The following TNFRSF19 variants were observed in gnomAD, a reference collection of about 807,000 sequenced individuals.
TNFRSF19 encodes the protein tumor necrosis factor receptor superfamily member 19.
TNFRSF19 carries 27 observed loss-of-function variants against 46.4 expected under a neutral mutation model. The ratio of observed to expected loss-of-function variants is 0.58; its 90% CI spans 0.43 to 0.80. The LOEUF (loss-of-function observed/expected upper bound fraction) is 0.80. TNFRSF19 is among the 30% of genes least tolerant of loss of function. The probability of loss-of-function intolerance (pLI) is 0.00; values close to 1 mark genes in which losing one functional copy is unlikely to be tolerated. For synonymous variants in TNFRSF19, 204 were observed against 205.0 expected (o/e 1.00, Z 0.04); for missense variants, 511 against 530.8 (o/e 0.96, Z 0.37).
intron 3 of TNFRSF19, among the ~76,000 whole-genome samples, chr13:23,595,118 A>G (rs565530511): frequency 7.9e-5 from 12 of 152,372 alleles, no homozygotes; most frequent in African/African-American, 2.9e-4. Flanking sequence ...CCAGCATCAA[A>G]GACTAAAGGT....
At chr13:23,634,746 G>A (rs1882566962) in intron 5 of TNFRSF19, among the ~76,000 whole-genome samples, 1 of 152,146 alleles carries the variant, frequency 6.6e-6, no homozygotes, top group Non-Finnish European at 1.5e-5. Context: ...TGTATAGGGA[G>A]CATTCACCCT....
chr13:23,649,285 C>T (rs1436285218), intron 5 of TNFRSF19, among the ~76,000 whole-genome samples: 2 of 152,052 alleles, frequency 1.3e-5, no homozygotes, highest in Non-Finnish European at 2.9e-5. Flanking sequence ...TCTGTTTCTT[C>T]CATTTTGTTA....
chr13:23,636,829 A>G (rs984935881), intron 5 of TNFRSF19, among the ~76,000 whole-genome samples: 1 of 152,224 alleles, frequency 6.6e-6, no homozygotes, highest in Admixed American at 6.5e-5. Context: ...TCACTCTCCT[A>G]GTTTCAGCAG....
At chr13:23,616,717 G>A (rs186267692) in intron 4 of TNFRSF19, among the ~76,000 whole-genome samples, 12 of 152,158 alleles carry the variant, frequency 7.9e-5, no homozygotes, top group Admixed American at 7.9e-4. Flanking sequence ...CGAGTAACTG[G>A]GATTACAGGC....
intron 4 of TNFRSF19, 95 bp from the exon 5 acceptor site, chr13:23,626,612 C>G: frequency 1.7e-6 from 2 of 1,176,022 alleles, no homozygotes; most frequent in Non-Finnish European, 2.5e-6. Flanking sequence ...TACTTTTAAC[C>G]GTAGAACTGG....
chr13:23,673,558 A>C lies in TNFRSF19; in HGVS notation c.*178A>C. 7.0e-6 allele frequency: 9 copies of C among 1,278,560 alleles called. No homozygotes were observed. The highest frequency in any genetic ancestry group is 8.0e-6 in the Non-Finnish European group (8 of 1,005,734). The allele number at this position is 1,278,560 out of a possible 1,614,324, so 79.2% of individuals were successfully genotyped here. On this transcript the variant is annotated 3_prime_UTR_variant, in exon 10 of 10. Coordinates refer to ENST00000248484, the MANE Select transcript of TNFRSF19 (RefSeq NM_148957.4). ...GTTGCTTCTGAGCCAGACCAGCTGT[A>C]AGCTGAAACCTCAATGAATAACAAG...
At chr13:23,651,249 A>G (rs1014120253) in intron 5 of TNFRSF19, among the ~76,000 whole-genome samples, 1 of 152,214 alleles carries the variant, frequency 6.6e-6, no homozygotes, top group Non-Finnish European at 1.5e-5. Flanking sequence ...ATTGAATTGT[A>G]GTTTACTTGA....
chr13:23,596,600 GC>G (rs1879747467), intron 3 of TNFRSF19, among the ~76,000 whole-genome samples: 1 of 150,670 alleles, frequency 6.6e-6, no homozygotes, highest in Admixed American at 6.6e-5. Context: ...GATTTACAAA[GC>G]AAGTTCTTAG....
intron 5 of TNFRSF19, among the ~76,000 whole-genome samples, chr13:23,638,175 T>C (rs1313579313): frequency 2.6e-5 from 4 of 152,252 alleles, no homozygotes; most frequent in African/African-American, 7.2e-5. Flanking sequence ...TATGGGTCCG[T>C]AGACTATTAA....
chr13:23,572,502 T>G (rs923594490), intron 1 of TNFRSF19, among the ~76,000 whole-genome samples: 2 of 152,166 alleles, frequency 1.3e-5, no homozygotes, highest in East Asian at 1.9e-4. Context: ...ATTTTAAAAT[T>G]TTTAAAATGA....
At chr13:23,652,059 C>T (rs1418928147) in intron 5 of TNFRSF19, among the ~76,000 whole-genome samples, 1 of 151,956 alleles carries the variant, frequency 6.6e-6, no homozygotes, top group African/African-American at 2.4e-5. Flanking sequence ...ATTACAGCGC[C>T]CAGAAAGTGG....
At position 23,605,420 on chromosome 13, in the gene TNFRSF19, T is replaced by C. The variant is rs559980924; in HGVS notation, c.181-10447T>C. 2.0e-5 allele frequency among the ~76,000 whole-genome samples: 3 copies of C among 152,352 alleles called. No individual in the cohort carries two copies. In the East Asian group the frequency reaches 5.8e-4, roughly 29 times the overall value. On this transcript the variant is annotated intron_variant, in intron 3 of 9. Transcript: ENST00000248484. The stretch of plus-strand genomic sequence containing the variant: ...ACAACTTGGCAGTGTCTTACAAAAC[T>C]AAGCATACTCTTATTATTTGATCCA...
intron 5 of TNFRSF19, among the ~76,000 whole-genome samples, chr13:23,631,643 G>A (rs1296470804): frequency 6.6e-6 from 1 of 152,176 alleles, no homozygotes; most frequent in Non-Finnish European, 1.5e-5. Flanking sequence ...AGAGTGCCTG[G>A]TAAGTAAGAG....
chr13:23,674,497 C>G lies in TNFRSF19; in HGVS notation c.*1117C>G, dbSNP rs1167510123. ...AGATTAGTTAGCACATCATCTCCTACTTTAGCCATCCGGTGTTGGATTTAA... is the reference window on the plus strand; with the variant it reads ...AGATTAGTTAGCACATCATCTCCTAGTTTAGCCATCCGGTGTTGGATTTAA... On this transcript the variant is annotated 3_prime_UTR_variant, in exon 10 of 10. Transcript: ENST00000248484. The G allele has an allele frequency of 6.6e-6, 1 of 152,206 alleles. No homozygotes were observed. Among genetic ancestry groups the G allele is most frequent in the Non-Finnish European group, 1.5e-5 (1 of 68,052 alleles). 9.4% of individuals were successfully genotyped at this position (152,206 alleles called of 1,614,324 possible).
At position 23,659,741 on chromosome 13, in the gene TNFRSF19, G is replaced by T. The variant is rs1010791256; in HGVS notation, c.610+527G>T. 6.6e-6 allele frequency among the ~76,000 whole-genome samples: 1 copy of T among 152,034 alleles called. No individual in the cohort carries two copies. The highest frequency in any genetic ancestry group is 2.4e-5 in the African/African-American group (1 of 41,378). ...AGGCTGGTCTCGAACTCCTGACCTC[G>T]TGATCCGCCTGCCTCGGCCTCCCAA... On this transcript the variant is annotated intron_variant, in intron 6 of 9. Transcript: ENST00000248484. The surrounding 1 kb of genome is among the most constrained non-coding windows in gnomAD (Gnocchi z 4.9).
In TNFRSF19 at chr13:23,636,807, G is replaced by A. The variant is rs563522640; in HGVS notation, c.445+10015G>A. 1.4e-3 allele frequency among the ~76,000 whole-genome samples: 220 copies of A among 152,300 alleles called. 3 individuals carry two copies. Among genetic ancestry groups the A allele is most frequent in the African/African-American group, 5.0e-3 (207 of 41,562 alleles). On this transcript the variant is annotated intron_variant, in intron 5 of 9. Coordinates refer to ENST00000248484, the MANE Select transcript of TNFRSF19 (RefSeq NM_148957.4). ...AAGTAGAGTTGAGGGGAGCAAGGGA[G>A]GAAGCAGGAGCTCACTCTCCTAGTT...
At position 23,668,673 on chromosome 13, in the gene TNFRSF19, C is replaced by G. The variant is rs1273222933; in HGVS notation, c.840-19C>G. 1.3e-6 allele frequency: 2 copies of G among 1,594,162 alleles called. No homozygotes were observed. The highest frequency in any genetic ancestry group is 1.7e-6 in the Non-Finnish European group (2 of 1,171,604). The stretch of plus-strand genomic sequence containing the variant: ...TTCTCCCCATCAAAAACTTTAAGTT[C>G]TTTTGAACGTGTGTGCAGAAACGCA... On this transcript the variant is annotated intron_variant, in intron 8 of 9. Coordinates refer to ENST00000248484, the MANE Select transcript of TNFRSF19 (RefSeq NM_148957.4).
At chr13:23,601,171 A>G (rs1215633426) in intron 3 of TNFRSF19, among the ~76,000 whole-genome samples, 3 of 152,186 alleles carry the variant, frequency 2.0e-5, no homozygotes, top group Non-Finnish European at 2.9e-5. Flanking sequence ...AGCAAGATAA[A>G]TGCCCAAAAA....
intron 3 of TNFRSF19, among the ~76,000 whole-genome samples, chr13:23,598,367 C>A (rs1332488856): frequency 6.6e-6 from 1 of 152,092 alleles, no homozygotes; most frequent in Non-Finnish European, 1.5e-5. Flanking sequence ...ACATGTATCC[C>A]AGAACTTACA....
Sources: gnomAD v4.1 joint callset for allele counts (sites outside exome capture counted in the v4.1 genomes callset) on GRCh38, gnomAD v4.1.1 for gene constraint, Gnocchi (gnomAD v3.1) non-coding constraint, MANE v1.5 for transcripts, NCBI Gene and HGNC (gene_info 2026-07-23, HGNC 2026-07-21) for gene names.